PINLYP: variants seen among roughly 807,000 people sequenced by gnomAD.
PINLYP encodes phospholipase A2 inhibitor and Ly6/PLAUR domain-containing protein.
Under a neutral mutation model 15.8 loss-of-function variants are expected in PINLYP, and 12 were observed. That is an observed-to-expected ratio of 0.76 (90% CI 0.49 to 1.23). The LOEUF is 1.23. Among genes scored for constraint, PINLYP ranks in the 50% most tolerant of loss-of-function variants. PINLYP has a pLI of 0.00. For missense variants in PINLYP, 278 were observed against 264.2 expected (o/e 1.05, Z -0.36); for synonymous variants, 93 against 97.7 (o/e 0.95, Z 0.28).
At chr19:43,577,591 A>G (rs1972882196) in intron 2 of PINLYP, among the ~76,000 whole-genome samples, 1 of 137,286 alleles carries the variant, frequency 7.3e-6, no homozygotes, top group African/African-American at 2.5e-5. Flanking sequence ...ATCTTTAAAA[A>G]TATAATTAAA....
chr19:43,579,438 G>A (rs1173520579), intron 3 of PINLYP, among the ~76,000 whole-genome samples: 2 of 151,358 alleles, frequency 1.3e-5, no homozygotes, highest in East Asian at 2.0e-4. Flanking sequence ...GTAGAGACGG[G>A]GTTTCGCCAT....
rs759886735 is a variant in PINLYP, at chr19:43,578,533, G to A, written c.71-57G>A. 5.3e-5 allele frequency: 70 copies of A among 1,312,500 alleles called. No homozygotes were observed. The South Asian group carries it at 6.3e-4, about 12-fold the overall frequency. 81.3% of individuals were successfully genotyped at this position (1,312,500 alleles called of 1,614,324 possible). A position where few individuals can be genotyped will look rare whatever the true frequency, so the allele number is the denominator to read the frequency against. On this transcript the variant is annotated intron_variant, in intron 2 of 5. Transcript: ENST00000599207. ...GACACAAAAGTCCTAAGTCAAAGTCGTGGTCCGAAGACCACACCACCCATG... is the reference window on the plus strand; with the variant it reads ...GACACAAAAGTCCTAAGTCAAAGTCATGGTCCGAAGACCACACCACCCATG...
At chr19:43,581,173 G>A (rs1484101116) in intron 3 of PINLYP, 39 bp from the exon 4 acceptor site, 5 of 1,527,244 alleles carry the variant, frequency 3.3e-6, no homozygotes, top group Non-Finnish European at 4.4e-6. Context: ...GCCAGGGAGT[G>A]GTCAGCCAGC....
intron 2 of PINLYP, among the ~76,000 whole-genome samples, chr19:43,577,581 A>C (rs935273220): frequency 1.4e-5 from 2 of 146,082 alleles, no homozygotes; most frequent in African/African-American, 5.0e-5. Flanking sequence ...GGAAAGGGAA[A>C]TCTTTAAAAA....
chr19:43,581,580 A>G lies in PINLYP; in HGVS notation c.358A>G (p.Thr120Ala), dbSNP rs973327679. ...ATCCTCAGTTCCCTTGACCAATCTT[A>G]CTGAGAATGGCCTGATGTGCCCCGC... Residue 120 changes from threonine (T) to alanine (A), a missense_variant, in exon 5 of 6, where the codon ACT (threonine) becomes GCT (alanine). By Grantham distance (58) the Thr-to-Ala change is moderately conservative. Transcript: ENST00000599207. 1.3e-6 allele frequency: 2 copies of G among 1,535,944 alleles called. No homozygotes were observed. Among genetic ancestry groups the G allele is most frequent in the African/African-American group, 2.7e-5 (2 of 72,968 alleles).
chr19:43,575,517 G>A, upstream of PINLYP: 1 of 1,569,490 alleles, frequency 6.4e-7, no homozygotes, highest in East Asian at 2.3e-5. Flanking sequence ...GGTCCGAGGG[G>A]CAGGGAGAGT....
In PINLYP at chr19:43,580,810, C is replaced by G. The variant is rs577279351; in HGVS notation, c.188-402C>G. 1.0e-3 allele frequency: 652 copies of G among 645,448 alleles called. 6 individuals carry two copies. The African/African-American group carries it at 0.012, about 12-fold the overall frequency. The allele number at this position is 645,448 out of a possible 1,614,324, so 40.0% of individuals were successfully genotyped here. A position where few individuals can be genotyped will look rare whatever the true frequency, so the allele number is the denominator to read the frequency against. ...TGGCTCTAGGGGGCTTGAAAGAGAC[C>G]GCCCCGGCCGGGCTGGCGCAGTGGC... On this transcript the variant is annotated intron_variant, in intron 3 of 5. Coordinates refer to ENST00000599207, the Ensembl canonical transcript of PINLYP.
exon 3 of PINLYP, chr19:43,578,698 C>T (rs1382061732): frequency 6.5e-6 from 10 of 1,535,410 alleles, no homozygotes; most frequent in Non-Finnish European, 8.7e-6. Context: ...GTCGGGAAGG[C>T]TACTTCAAGT....
At chr19:43,580,436 T>C in intron 3 of PINLYP, 1 of 729,866 alleles carries the variant, frequency 1.4e-6, no homozygotes, top group Non-Finnish European at 1.7e-6. Flanking sequence ...GGAGTGACCA[T>C]GGCAGGATCT....
At chr19:43,578,417 G>A (rs1972890323) in intron 2 of PINLYP, among the ~76,000 whole-genome samples, 173 bp from the exon 3 acceptor site, 1 of 152,162 alleles carries the variant, frequency 6.6e-6, no homozygotes, top group African/African-American at 2.4e-5. Context: ...CATCACCACT[G>A]CTTCTTCGTC....
chr19:43,581,657 T>G, exon 5 of PINLYP: 1 of 1,536,442 alleles, frequency 6.5e-7, no homozygotes, highest in Non-Finnish European at 8.7e-7. Context: ...CCCACTGTAC[T>G]GGAAAGGAAA....
chr19:43,577,394 A>G (rs1972879814), intron 2 of PINLYP, 133 bp downstream of exon 2: 1 of 990,018 alleles, frequency 1.0e-6, no homozygotes. Context: ...CATTCTGGAA[A>G]TTCAGATTCA....
At chr19:43,578,940 A>G (rs1972898434) in intron 3 of PINLYP, 1 of 442,610 alleles carries the variant, frequency 2.3e-6, no homozygotes, top group Admixed American at 3.5e-5. Context: ...CCTAAAGAGA[A>G]GGAAAATGTG....
chr19:43,575,685 G>A, upstream of PINLYP: 2 of 412,972 alleles, frequency 4.8e-6, no homozygotes, highest in South Asian at 5.1e-5. Flanking sequence ...AGCAACGAGC[G>A]TTTCCTCCAG....
At chr19:43,578,747 G>A (rs79589091) in intron 3 of PINLYP, 41 bp downstream of exon 3, 1 of 1,446,828 alleles carries the variant, frequency 6.9e-7, no homozygotes, top group East Asian at 2.5e-5. Context: ...GAGGTGGGGT[G>A]TACCTTCAGG....
exon 5 of PINLYP, chr19:43,581,569 T>C (rs1256288605): frequency 2.6e-6 from 4 of 1,535,422 alleles, no homozygotes; most frequent in Non-Finnish European, 3.5e-6. Flanking sequence ...TCAGTTCCCT[T>C]GACCAATCTT....
exon 5 of PINLYP, chr19:43,581,646 A>G (rs1455772028): frequency 8.5e-6 from 13 of 1,536,338 alleles, no homozygotes; most frequent in Non-Finnish European, 1.1e-5. Flanking sequence ...GGGGCCCATG[A>G]CCCACTGTAC....
chr19:43,578,489 C>G, intron 2 of PINLYP, 101 bp from the exon 3 acceptor site: 2 of 768,884 alleles, frequency 2.6e-6, no homozygotes, highest in Non-Finnish European at 2.1e-6. Flanking sequence ...CAGGGAGCTG[C>G]TGGTCCCTCC....
At chr19:43,575,569 AGC>A (rs1261301372), upstream of PINLYP, 2 of 1,219,868 alleles carry the variant, frequency 1.6e-6, no homozygotes, top group Non-Finnish European at 2.3e-6. Flanking sequence ...AAAGTGCGCA[AGC>A]GCGCGAGGCT....
Sources: gnomAD v4.1 joint callset for allele counts (sites outside exome capture counted in the v4.1 genomes callset) on GRCh38, gnomAD v4.1.1 for gene constraint, MANE v1.5 for transcripts, NCBI Gene and HGNC (gene_info 2026-07-23, HGNC 2026-07-21) for gene names.